SETBP1: variants seen among roughly 807,000 people sequenced by gnomAD.
SETBP1 encodes the protein SET-binding protein.
SETBP1 carries 9 observed loss-of-function variants against 101.0 expected under a neutral mutation model. The ratio of observed to expected loss-of-function variants is 0.09; its 90% CI spans 0.05 to 0.16. The LOEUF (loss-of-function observed/expected upper bound fraction) is 0.16, where lower values mean the gene tolerates loss of function less well. SETBP1 is among the 10% of genes least tolerant of loss of function. The pLI, the probability that SETBP1 is intolerant of heterozygous loss-of-function variation, is 1.00. For missense variants in SETBP1, 1,858 were observed against 2,033.8 expected, an observed-to-expected ratio of 0.91 and a Z score of 1.66; for synonymous variants, 818 against 788.5, an observed-to-expected ratio of 1.04 and a Z score of -0.63.
chr18:45,049,498 A>G (rs1219955868), intron 5 of SETBP1, among the ~76,000 whole-genome samples: 1 of 152,232 alleles, frequency 6.6e-6, no homozygotes, highest in Non-Finnish European at 1.5e-5. Context: ...GAAGATTTAC[A>G]TAATAATCAA....
At chr18:44,995,905 C>T (rs545901702) in intron 4 of SETBP1, among the ~76,000 whole-genome samples, 3 of 152,324 alleles carry the variant, frequency 2.0e-5, no homozygotes, top group East Asian at 1.9e-4. Flanking sequence ...CTCCCAACAC[C>T]GTTACAATGG....
intron 4 of SETBP1, among the ~76,000 whole-genome samples, chr18:44,971,577 G>A (rs1047588313): frequency 2.0e-5 from 3 of 152,182 alleles, no homozygotes; most frequent in African/African-American, 7.2e-5. Context: ...TCTAACTGGT[G>A]TGAGATGGTA....
At chr18:44,758,355 G>A (rs1315768685) in intron 2 of SETBP1, among the ~76,000 whole-genome samples, 1 of 152,000 alleles carries the variant, frequency 6.6e-6, no homozygotes, top group East Asian at 1.9e-4. Context: ...CTTAAATCTT[G>A]AGACTCCAGA....
At chr18:44,692,220 CA>C (rs1260986328) in intron 1 of SETBP1, among the ~76,000 whole-genome samples, 3 of 152,112 alleles carry the variant, frequency 2.0e-5, no homozygotes, top group African/African-American at 7.2e-5. Flanking sequence ...TCAAATGTAA[CA>C]AAAAAGTTTG....
chr18:44,949,372 G>C (rs16978238), intron 3 of SETBP1, among the ~76,000 whole-genome samples: 15,786 of 152,300 alleles, frequency 0.1, 1,050 homozygotes, highest in Admixed American at 0.21. Flanking sequence ...AGCGAGGAAA[G>C]ACATACATTC....
intron 2 of SETBP1, among the ~76,000 whole-genome samples, chr18:44,862,474 G>A (rs2069035337): frequency 6.6e-6 from 1 of 151,998 alleles, no homozygotes; most frequent in South Asian, 2.1e-4. Context: ...TTCTTAGGCT[G>A]GTGGGAAACC....
At chr18:44,998,990 A>G (rs372876867) in intron 4 of SETBP1, among the ~76,000 whole-genome samples, 1 of 152,154 alleles carries the variant, frequency 6.6e-6, no homozygotes, top group Non-Finnish European at 1.5e-5. Context: ...ATTTATTTGG[A>G]TGTAGAACCG....
rs1233202832 is a variant in SETBP1, at chr18:45,063,556, G to C, written c.4649G>C (p.Gly1550Ala). The change falls in exon 6 of 6, where the codon GGC becomes GCC. Residue 1550 changes from glycine (G) to alanine (A), a missense_variant. Physicochemically the swap from Gly to Ala is moderately conservative, Grantham distance 60 (BLOSUM62 0). Transcript: ENST00000649279. Reference sequence around the variant, plus strand: ...CCCCCTCTACCCAAGACCCCCCGAGGCGGAAAGAGGAAACACAAACCGCAG... The same window carrying C: ...CCCCCTCTACCCAAGACCCCCCGAGCCGGAAAGAGGAAACACAAACCGCAG... The part of the protein sequence containing the change: ...PPPPLPKTPR[G>A]GKRKHKPQAP... The C allele has an allele frequency of 6.7e-7, 1 of 1,489,824 alleles. No homozygotes were observed. The highest frequency in any genetic ancestry group is 2.6e-5 in the East Asian group (1 of 38,370). 92.3% of individuals were successfully genotyped at this position (1,489,824 alleles called of 1,614,324 possible).
intron 2 of SETBP1, among the ~76,000 whole-genome samples, chr18:44,722,320 C>T (rs929522180): frequency 3.9e-5 from 6 of 152,148 alleles, no homozygotes; most frequent in African/African-American, 1.4e-4. Flanking sequence ...TGCCCCCTTC[C>T]CTTGCTGCCC....
chr18:44,872,222 T>C (rs2144695167), intron 3 of SETBP1: 1 of 152,176 alleles, frequency 6.6e-6, no homozygotes, highest in East Asian at 1.9e-4. Flanking sequence ...CATTTTTCTT[T>C]TATGCTTTTT....
At chr18:44,986,773 A>G (rs2072245295) in intron 4 of SETBP1, 1 of 152,152 alleles carries the variant, frequency 6.6e-6, no homozygotes. Context: ...AATAACACGT[A>G]TGGTACTGTC....
intron 5 of SETBP1, among the ~76,000 whole-genome samples, chr18:45,051,681 C>T (rs965742136): frequency 5.9e-5 from 9 of 152,282 alleles, no homozygotes; most frequent in South Asian, 2.1e-4. Context: ...GGGGACCCAT[C>T]GTTTCAGTCA....
chr18:44,937,114 A>G (rs2070974873), intron 3 of SETBP1, among the ~76,000 whole-genome samples: 1 of 152,188 alleles, frequency 6.6e-6, no homozygotes, highest in South Asian at 2.1e-4. Flanking sequence ...TGTGTTAAAT[A>G]CTTGACAGTC....
chr18:44,827,811 G>A (rs182816448), intron 2 of SETBP1, among the ~76,000 whole-genome samples: 30 of 152,284 alleles, frequency 2.0e-4, no homozygotes, highest in African/African-American at 7.2e-4. Flanking sequence ...TGCCACATTT[G>A]TTGACCCTGT....
At chr18:44,902,248 CTCTCTG>C (rs1376157733) in intron 3 of SETBP1, among the ~76,000 whole-genome samples, 1 of 152,124 alleles carries the variant, frequency 6.6e-6, no homozygotes, top group East Asian at 1.9e-4. Context: ...CTCTCTCTCT[CTCTCTG>C]TCTCTTACAA....
chr18:44,934,119 C>G (rs924786199), intron 3 of SETBP1, among the ~76,000 whole-genome samples: 1 of 151,916 alleles, frequency 6.6e-6, no homozygotes, highest in Non-Finnish European at 1.5e-5. Flanking sequence ...TAACACAACC[C>G]CATCAGGTAG....
At chr18:44,911,619 G>A (rs2070311330) in intron 3 of SETBP1, among the ~76,000 whole-genome samples, 1 of 152,204 alleles carries the variant, frequency 6.6e-6, no homozygotes, top group African/African-American at 2.4e-5. Flanking sequence ...ACCATTAGGT[G>A]ATAATGTTCT....
At position 44,950,556 on chromosome 18, in the gene SETBP1, A is replaced by G. The variant is rs757445751; in HGVS notation, c.1216A>G (p.Ile406Val). The change falls in exon 4 of 6, where the codon ATC becomes GTC. Residue 406 changes from isoleucine to valine, a missense_variant. Ile to Val is a conservative substitution (Grantham distance 29). Transcript: ENST00000649279. The stretch of plus-strand genomic sequence containing the variant: ...AAGTCATGTCCGGATTACTATCCCC[A>G]TCAAGGCACCCTCTCTGGATCCAAC... ...DSSHVRITIPIKAPSLDPTNH... is the reference protein window; with the variant it reads ...DSSHVRITIPVKAPSLDPTNH... The G allele has an allele frequency of 6.2e-7, 1 of 1,614,070 alleles. No individual in the cohort carries two copies. Among genetic ancestry groups the G allele is most frequent in the Non-Finnish European group, 8.5e-7 (1 of 1,180,022 alleles).
chr18:44,873,760 T>G (rs1225690130), intron 3 of SETBP1, among the ~76,000 whole-genome samples: 1 of 152,204 alleles, frequency 6.6e-6, no homozygotes, highest in Non-Finnish European at 1.5e-5. Flanking sequence ...AATAGGTTTT[T>G]TTAAAGTCTG....
Sources: gnomAD v4.1 joint callset for allele counts (sites outside exome capture counted in the v4.1 genomes callset) on GRCh38, gnomAD v4.1.1 for gene constraint, MANE v1.5 for transcripts, NCBI Gene and HGNC (gene_info 2026-07-23, HGNC 2026-07-21) for gene names.